Variants in RGS17 observed in about 807,000 individuals in gnomAD.
RGS17 encodes the protein regulator of G-protein signaling 17.
RGS17 carries 12 observed loss-of-function variants against 25.5 expected under a neutral mutation model. That is an observed-to-expected ratio of 0.47 (90% CI 0.30 to 0.76). RGS17 has a LOEUF of 0.76. Ranked by LOEUF, RGS17 falls within the 30% of genes least tolerant of loss-of-function variation. RGS17 has a pLI of 0.07. For missense variants in RGS17, 196 were observed against 242.2 expected (o/e 0.81, Z 1.27); for synonymous variants, 71 against 76.9 (o/e 0.92, Z 0.40).
chr6:153,034,727 G>GACATGC (rs1328380276), intron 2 of RGS17, among the ~76,000 whole-genome samples: 1 of 152,170 alleles, frequency 6.6e-6, no homozygotes, highest in Non-Finnish European at 1.5e-5. Context: ...TTCCGAGGAA[G>GACATGC]ACATGCCATT....
At chr6:153,100,290 C>T (rs1280348285) in intron 1 of RGS17, among the ~76,000 whole-genome samples, 1 of 152,094 alleles carries the variant, frequency 6.6e-6, no homozygotes, top group Non-Finnish European at 1.5e-5. Context: ...ATAATAAACT[C>T]CTATTCATCA....
chr6:153,038,057 G>A (rs187866331), intron 2 of RGS17, among the ~76,000 whole-genome samples: 136 of 152,286 alleles, frequency 8.9e-4, no homozygotes, highest in African/African-American at 3.0e-3. Context: ...TCCAGACATA[G>A]ATAGTCCTCA....
chr6:153,048,003 T>C (rs1776406239), intron 1 of RGS17, among the ~76,000 whole-genome samples: 1 of 152,236 alleles, frequency 6.6e-6, no homozygotes, highest in South Asian at 2.1e-4. Flanking sequence ...CTTTCTTCTC[T>C]ATCACTTCTT....
chr6:153,077,887 T>C (rs1420523557), intron 1 of RGS17, among the ~76,000 whole-genome samples: 2 of 152,070 alleles, frequency 1.3e-5, no homozygotes, highest in Non-Finnish European at 2.9e-5. Context: ...TTATTTTTTT[T>C]TTTTGAGACA....
intron 2 of RGS17, among the ~76,000 whole-genome samples, chr6:153,036,532 A>C (rs945397006): frequency 6.6e-6 from 1 of 152,170 alleles, no homozygotes; most frequent in Non-Finnish European, 1.5e-5. Context: ...GCAACTGATG[A>C]GTCCCAGATT....
intron 2 of RGS17, among the ~76,000 whole-genome samples, chr6:153,036,006 G>A (rs1237592417): frequency 1.3e-5 from 2 of 152,124 alleles, no homozygotes; most frequent in African/African-American, 4.8e-5. Context: ...TGCAACCTCA[G>A]ACTTCCCTTT....
rs1004505871 is a variant in RGS17 at position 153,006,932 on chromosome 6, C to G, written c.*4642G>C. ...TATGCTCCCTAAGTGAATCTGTGGA[C>G]ATACATTTCCATTAGTAACCTTACT... On this transcript the variant is annotated 3_prime_UTR_variant, in exon 5 of 5. Transcript: ENST00000206262. 3 of 152,140 alleles carry G rather than the reference C, an allele frequency of 2.0e-5. No individual in the cohort carries two copies. Among genetic ancestry groups the G allele is most frequent in the African/African-American group, 7.2e-5 (3 of 41,436 alleles). 9.4% of individuals were successfully genotyped at this position (152,140 alleles called of 1,614,324 possible). A position where few individuals can be genotyped will look rare whatever the true frequency, so the allele number is the denominator to read the frequency against.
chr6:153,043,487 TA>T lies in RGS17; in HGVS notation c.119+412del, dbSNP rs766892546. On this transcript the variant is annotated intron_variant, in intron 2 of 4. Coordinates refer to ENST00000206262, the MANE Select transcript of RGS17 (RefSeq NM_012419.5). ...ACCCTATCAAGTAGCAGCAGAGAAC[TA>T]AAAAAAAAAAAAAACACATGCAATA... 6.7e-3 allele frequency among the ~76,000 whole-genome samples: 912 copies of T among 135,358 alleles called. 6 individuals are homozygous for T. Among genetic ancestry groups the T allele is most frequent in the African/African-American group, 0.019 (693 of 36,502 alleles). The allele number at this position is 135,358 out of a possible 152,430, so 88.8% of individuals were successfully genotyped here.
intron 2 of RGS17, among the ~76,000 whole-genome samples, chr6:153,032,208 T>G (rs1314596680): frequency 6.6e-6 from 1 of 152,198 alleles, no homozygotes; most frequent in Non-Finnish European, 1.5e-5. Flanking sequence ...AACCTATGAT[T>G]TGAACTTCAC....
At chr6:153,129,910 G>C (rs1395419118) in intron 1 of RGS17, among the ~76,000 whole-genome samples, 1 of 152,174 alleles carries the variant, frequency 6.6e-6, no homozygotes, top group Non-Finnish European at 1.5e-5. Flanking sequence ...CGGGCTCCGG[G>C]CGAGGCGCAG....
chr6:153,049,981 G>A lies in RGS17; in HGVS notation c.-25-5938C>T, dbSNP rs996576363. On this transcript the variant is annotated intron_variant, in intron 1 of 4. Transcript: ENST00000206262. ...AGATCAAAATAATAAAACTCTCAGA[G>A]AGCTGAGTAACCTTCAGGCATTTAT... Among the ~76,000 whole-genome samples, 6 of 152,098 alleles carry A rather than the reference G, an allele frequency of 3.9e-5. No homozygotes were observed. The East Asian group carries it at 1.2e-3, about 29-fold the overall frequency.
intron 2 of RGS17, among the ~76,000 whole-genome samples, chr6:153,027,543 C>T (rs1283254269): frequency 1.3e-5 from 2 of 152,090 alleles, no homozygotes; most frequent in East Asian, 1.9e-4. Flanking sequence ...CTCATTTGTT[C>T]CTTCTTTCAC....
chr6:153,050,265 T>A (rs1289782589), intron 1 of RGS17, among the ~76,000 whole-genome samples: 1 of 152,164 alleles, frequency 6.6e-6, no homozygotes, highest in African/African-American at 2.4e-5. Flanking sequence ...AGCTTTTTTT[T>A]ATATAGTTTA....
intron 1 of RGS17, among the ~76,000 whole-genome samples, chr6:153,054,079 CACACA>C (rs1776515284): frequency 4.6e-5 from 1 of 21,562 alleles, no homozygotes; most frequent in Non-Finnish European, 9.1e-5. Context: ...TATATATATA[CACACA>C]ATATTTTTTA....
intron 1 of RGS17, among the ~76,000 whole-genome samples, chr6:153,114,304 T>G (rs778516332): frequency 7.9e-5 from 12 of 152,070 alleles, no homozygotes; most frequent in Non-Finnish European, 1.3e-4. Flanking sequence ...TATAAACACC[T>G]CTACACAAAT....
intron 1 of RGS17, among the ~76,000 whole-genome samples, chr6:153,093,278 T>A (rs1160942036): frequency 3.3e-5 from 5 of 152,176 alleles, no homozygotes; most frequent in African/African-American, 7.2e-5. Flanking sequence ...GTTCATGCTA[T>A]CTACAGGCAG....
At chr6:153,027,036 C>T (rs1022861473) in intron 2 of RGS17, among the ~76,000 whole-genome samples, 1 of 152,014 alleles carries the variant, frequency 6.6e-6, no homozygotes, top group South Asian at 2.1e-4. Context: ...ACATTGTTAC[C>T]GATAATATCA....
chr6:153,037,311 A>G (rs1366864938), intron 2 of RGS17, among the ~76,000 whole-genome samples: 2 of 152,162 alleles, frequency 1.3e-5, no homozygotes, highest in African/African-American at 4.8e-5. Context: ...CTGTGACACA[A>G]GTTTTTATAT....
intron 1 of RGS17, among the ~76,000 whole-genome samples, chr6:153,090,301 T>C (rs1022628108): frequency 2.6e-5 from 4 of 152,016 alleles, no homozygotes; most frequent in African/African-American, 4.8e-5. Flanking sequence ...AGGTCAACTA[T>C]GGTCCAAAAA....
Sources: allele counts gnomAD v4.1 joint callset (sites outside exome capture counted in the v4.1 genomes callset), GRCh38; gene constraint gnomAD v4.1.1; transcripts MANE v1.5; gene names NCBI Gene and HGNC (gene_info 2026-07-23, HGNC 2026-07-21).